The following LRRC66 variants were observed in gnomAD, a reference collection of about 807,000 sequenced individuals.
LRRC66 encodes the protein leucine rich repeat containing 66.
In LRRC66, 29 loss-of-function variants were observed where a neutral mutation model predicts 24.6. The ratio of observed to expected loss-of-function variants is 1.18; its 90% CI spans 0.88 to 1.61. The LOEUF (loss-of-function observed/expected upper bound fraction) is 1.61, where lower values mean the gene tolerates loss of function less well. Ranked by LOEUF, LRRC66 falls within the 40% of genes most tolerant of loss-of-function variation. The pLI is 0.00. For synonymous variants in LRRC66, 411 were observed against 397.6 expected, an observed-to-expected ratio of 1.03 and a Z score of -0.40; for missense variants, 1,124 against 1,058.0, an observed-to-expected ratio of 1.06 and a Z score of -0.87.
chr4:52,016,703 T>G (rs1736820036), intron 2 of LRRC66, among the ~76,000 whole-genome samples: 1 of 152,148 alleles, frequency 6.6e-6, no homozygotes, highest in Non-Finnish European at 1.5e-5. Flanking sequence ...AGGCAAAATG[T>G]ACTCAAAGAA....
intron 2 of LRRC66, among the ~76,000 whole-genome samples, chr4:52,008,201 A>C (rs1736626949): frequency 6.6e-6 from 1 of 152,158 alleles, no homozygotes; most frequent in Non-Finnish European, 1.5e-5. Context: ...CATGATACCT[A>C]GCTGGCCCTG....
intron 2 of LRRC66, among the ~76,000 whole-genome samples, chr4:52,013,048 A>G (rs1024658678): frequency 3.3e-5 from 5 of 152,210 alleles, no homozygotes; most frequent in African/African-American, 1.2e-4. Context: ...AAGATATTCG[A>G]TTCATTAGGT....
chr4:52,002,126 GAAGACTTACTATGAA>G (rs1553937854), intron 3 of LRRC66, among the ~76,000 whole-genome samples: 1 of 152,162 alleles, frequency 6.6e-6, no homozygotes, highest in Non-Finnish European at 1.5e-5. Flanking sequence ...ACCAGGTTTT[GAAGACTTACTATGAA>G]AAGGGGATAT....
intron 2 of LRRC66, among the ~76,000 whole-genome samples, chr4:52,006,869 A>G (rs1736598741): frequency 6.6e-6 from 1 of 152,102 alleles, no homozygotes; most frequent in South Asian, 2.1e-4. Context: ...AGTTAACAAC[A>G]TTTTACAAAT....
At chr4:52,019,955 A>C (rs1736905517) in intron 1 of LRRC66, among the ~76,000 whole-genome samples, 1 of 152,074 alleles carries the variant, frequency 6.6e-6, no homozygotes, top group Non-Finnish European at 1.5e-5. Flanking sequence ...TAATTTGTTA[A>C]AAAAATCATA....
chr4:52,012,298 T>C (rs1736722705), intron 2 of LRRC66, among the ~76,000 whole-genome samples: 1 of 152,166 alleles, frequency 6.6e-6, no homozygotes, highest in African/African-American at 2.4e-5. Flanking sequence ...AATCCTCTTA[T>C]TTAACTCCCC....
Position 51,996,037 on chromosome 4 carries a change from G to C in LRRC66, c.985C>G (p.His329Asp), listed in dbSNP as rs1468382370. 1 of 1,613,828 alleles carries C rather than the reference G, an allele frequency of 6.2e-7. No homozygotes were observed. Among genetic ancestry groups the C allele is most frequent in the African/African-American group, 1.3e-5 (1 of 74,886 alleles). ...SKAERPQGGR[H>D]TGISTLGKKA... ...TTCCCCAGAGTAGAAATGCCCGTGT[G>C]CCTTCCTCCCTGGGGCCTCTCTGCT... Residue 329 changes from histidine to aspartate, a missense_variant, in exon 5 of 5, where the codon CAC (histidine) becomes GAC (aspartate). Physicochemically the swap from His to Asp is moderately conservative, Grantham distance 81. Coordinates refer to ENST00000682860, the MANE Select transcript of LRRC66 (RefSeq NM_001024611.3).
intron 2 of LRRC66, among the ~76,000 whole-genome samples, chr4:52,011,666 G>A (rs1736706683): frequency 6.6e-6 from 1 of 152,150 alleles, no homozygotes; most frequent in South Asian, 2.1e-4. Flanking sequence ...GGGAACTAAT[G>A]CTTTTGAACA....
intron 2 of LRRC66, among the ~76,000 whole-genome samples, chr4:52,006,321 A>T (rs1465165403): frequency 1.3e-5 from 2 of 152,108 alleles, no homozygotes; most frequent in East Asian, 3.8e-4. Flanking sequence ...ACAATGATAG[A>T]TTGGATTAAG....
At chr4:52,012,755 T>C (rs1736730642) in intron 2 of LRRC66, among the ~76,000 whole-genome samples, 1 of 152,192 alleles carries the variant, frequency 6.6e-6, no homozygotes, top group Non-Finnish European at 1.5e-5. Flanking sequence ...TGAACTGCTT[T>C]CTAAAGATTA....
At chr4:52,018,378 T>G (rs1736865988) in intron 1 of LRRC66, 1 of 984,782 alleles carries the variant, frequency 1.0e-6, no homozygotes, top group Non-Finnish European at 1.2e-6. Context: ...AAAAATAAGT[T>G]TAAAAATGGG....
chr4:52,017,342 T>A lies in LRRC66; in HGVS notation c.272A>T (p.Asp91Val). The A allele has an allele frequency of 6.2e-7, 1 of 1,614,138 alleles. No individual in the cohort carries two copies. Among genetic ancestry groups the A allele is most frequent in the Non-Finnish European group, 8.5e-7 (1 of 1,180,008 alleles). The change falls in exon 2 of 5, where the codon GAC becomes GTC. Residue 91 changes from aspartate (D) to valine (V), a missense_variant. By Grantham distance (152) the Asp-to-Val change is radical (BLOSUM62 -3). Transcript: ENST00000682860. ...TTTTGATATGAGATTGTTACTGAGG[T>A]CCAGATGTTTTATTTTCCACTCTTC... ...KKEEWKIKHL[D>V]LSNNLISKIT... is the part of the protein sequence containing the mutation.
In LRRC66 at chr4:52,017,765, G is replaced by A; in HGVS notation, c.-5-147C>T. ...AAGCGAATGTTTGATTTCTTACTGGGGCATGAAAATGTAGCTACCAAAATG... is the reference window on the plus strand; with the variant it reads ...AAGCGAATGTTTGATTTCTTACTGGAGCATGAAAATGTAGCTACCAAAATG... On this transcript the variant is annotated intron_variant, in intron 1 of 4. Coordinates refer to ENST00000682860, the MANE Select transcript of LRRC66 (RefSeq NM_001024611.3). 11 of 1,352,612 alleles carry A rather than the reference G, an allele frequency of 8.1e-6. No individual in the cohort carries two copies. The South Asian group carries it at 1.2e-4, about 15-fold the overall frequency. The allele number at this position is 1,352,612 out of a possible 1,614,324, so 83.8% of individuals were successfully genotyped here.
chr4:52,015,719 T>G (rs1246359351), intron 2 of LRRC66, among the ~76,000 whole-genome samples: 1 of 152,234 alleles, frequency 6.6e-6, no homozygotes, highest in East Asian at 1.9e-4. Flanking sequence ...GTAGCTATAA[T>G]GACGTCCATC....
chr4:52,005,698 T>TA (rs900398645), intron 2 of LRRC66, among the ~76,000 whole-genome samples: 2 of 151,784 alleles, frequency 1.3e-5, no homozygotes, highest in Non-Finnish European at 2.9e-5. Context: ...CTTATTCTGG[T>TA]AAAAAATATT....
chr4:52,019,686 G>A (rs1446707907), intron 1 of LRRC66, among the ~76,000 whole-genome samples: 2 of 152,032 alleles, frequency 1.3e-5, no homozygotes, highest in Admixed American at 6.5e-5. Context: ...TTTTTTCTAC[G>A]TTCAAAGCTG....
At chr4:52,001,792 T>C (rs1052848145) in intron 3 of LRRC66, among the ~76,000 whole-genome samples, 1 of 152,198 alleles carries the variant, frequency 6.6e-6, no homozygotes, top group African/African-American at 2.4e-5. Context: ...GGAGCCATTC[T>C]GGTTGGAAGT....
At chr4:51,996,235 T>C in intron 4 of LRRC66, 70 bp from the exon 5 acceptor site, 1 of 1,416,616 alleles carries the variant, frequency 7.1e-7, no homozygotes, top group Non-Finnish European at 9.5e-7. Context: ...TTTTCTCTTT[T>C]TTACAGAATT....
intron 2 of LRRC66, among the ~76,000 whole-genome samples, chr4:52,012,975 G>T (rs1736733201): frequency 6.6e-6 from 1 of 152,152 alleles, no homozygotes; most frequent in South Asian, 2.1e-4. Context: ...AATATTCAGG[G>T]ATTATGGCTG....
Sources: allele counts gnomAD v4.1 joint callset (sites outside exome capture counted in the v4.1 genomes callset), GRCh38; gene constraint gnomAD v4.1.1; transcripts MANE v1.5; gene names NCBI Gene and HGNC (gene_info 2026-07-23, HGNC 2026-07-21).